The following AKAP13 variants were observed in gnomAD, a reference collection of about 807,000 sequenced individuals.
AKAP13 encodes A-kinase anchor protein 13.
Under a neutral mutation model 264.5 loss-of-function variants are expected in AKAP13, and 80 were observed. The observed-to-expected ratio is 0.30, with a 90% confidence interval of 0.25 to 0.36. The LOEUF is 0.36. AKAP13 is among the 10% of genes least tolerant of loss of function. The pLI is 1.00. For missense variants in AKAP13, 3,712 were observed against 3,435.2 expected, an observed-to-expected ratio of 1.08 and a Z score of -2.01; for synonymous variants, 1,380 against 1,250.2, an observed-to-expected ratio of 1.10 and a Z score of -2.19.
At chr15:85,562,580 T>C (rs199939721) in intron 5 of AKAP13, among the ~76,000 whole-genome samples, 1 of 105,534 alleles carries the variant, frequency 9.5e-6, no homozygotes, top group East Asian at 2.8e-4. Context: ...AAAAAATATA[T>C]ATATATATAT....
chr15:85,409,732 G>A (rs546868603), intron 1 of AKAP13, among the ~76,000 whole-genome samples: 8 of 148,966 alleles, frequency 5.4e-5, no homozygotes, highest in Admixed American at 4.0e-4. Flanking sequence ...CTGGGTACAC[G>A]CCATTCTCCT....
chr15:85,412,181 A>C (rs576406141), intron 1 of AKAP13, among the ~76,000 whole-genome samples: 1 of 152,370 alleles, frequency 6.6e-6, no homozygotes, highest in East Asian at 1.9e-4. Flanking sequence ...ACAGAGTACA[A>C]AACGGTCATT....
At chr15:85,458,393 G>GTTTGTT (rs371906372) in intron 1 of AKAP13, among the ~76,000 whole-genome samples, 2 of 120,664 alleles carry the variant, frequency 1.7e-5, no homozygotes, top group African/African-American at 6.5e-5. Flanking sequence ...TTTGTTTTTT[G>GTTTGTT]TTTTTTTTTT....
At chr15:85,715,193 A>G (rs2086859503) in intron 19 of AKAP13, among the ~76,000 whole-genome samples, 1 of 152,092 alleles carries the variant, frequency 6.6e-6, no homozygotes, top group Admixed American at 6.5e-5. Context: ...TTTGTTCTGC[A>G]CTTTGATTTT....
At chr15:85,741,724 A>G (rs2088995578) in intron 35 of AKAP13, among the ~76,000 whole-genome samples, 1 of 89,630 alleles carries the variant, frequency 1.1e-5, no homozygotes, top group Non-Finnish European at 2.3e-5. Flanking sequence ...AAACAAACAA[A>G]CAAACAAAAA....
chr15:85,411,919 A>G (rs2071989626), intron 1 of AKAP13, among the ~76,000 whole-genome samples: 1 of 152,234 alleles, frequency 6.6e-6, no homozygotes, highest in Admixed American at 6.5e-5. Flanking sequence ...AGTGAAAATC[A>G]GAAGTTTGGA....
At chr15:85,518,736 G>A (rs60292895) in intron 2 of AKAP13, among the ~76,000 whole-genome samples, 21 of 152,306 alleles carry the variant, frequency 1.4e-4, no homozygotes, top group African/African-American at 4.8e-4. Flanking sequence ...GGCAGCAGGG[G>A]GAGGATCACT....
intron 3 of AKAP13, among the ~76,000 whole-genome samples, chr15:85,527,041 G>A (rs1271352340): frequency 1.3e-5 from 2 of 150,460 alleles, no homozygotes; most frequent in Non-Finnish European, 2.9e-5. Flanking sequence ...TGCAAGCTCC[G>A]CCTCCTGGGT....
intron 8 of AKAP13, among the ~76,000 whole-genome samples, chr15:85,602,200 C>T (rs1435449767): frequency 1.3e-5 from 2 of 152,026 alleles, no homozygotes; most frequent in Non-Finnish European, 1.5e-5. Context: ...TTTTTGTACT[C>T]TGTCTCACTC....
At chr15:85,463,037 A>AT (rs1248619564) in intron 1 of AKAP13, among the ~76,000 whole-genome samples, 32 of 150,716 alleles carry the variant, frequency 2.1e-4, no homozygotes, top group Non-Finnish European at 3.1e-4. Context: ...AAAAAAAAAA[A>AT]AAAAAAGAAA....
At chr15:85,685,222 A>C (rs116540654) in intron 16 of AKAP13, 113 of 168,210 alleles carry the variant, frequency 6.7e-4, no homozygotes, top group African/African-American at 2.6e-3. Context: ...TTTGGTTTCA[A>C]ATCCCATACT....
At chr15:85,514,534 T>A (rs991574016) in intron 2 of AKAP13, among the ~76,000 whole-genome samples, 2 of 137,888 alleles carry the variant, frequency 1.5e-5, no homozygotes, top group Non-Finnish European at 3.1e-5. Flanking sequence ...GGGACTCGGT[T>A]CTTTTTATTG....
intron 1 of AKAP13, among the ~76,000 whole-genome samples, chr15:85,477,635 AGG>A (rs756476573): frequency 2.9e-4 from 39 of 132,274 alleles, no homozygotes; most frequent in Non-Finnish European, 3.7e-4. Context: ...GCTTAAAAAA[AGG>A]AAAAAAAAAA....
intron 14 of AKAP13, among the ~76,000 whole-genome samples, chr15:85,675,143 C>A (rs2084154666): frequency 6.6e-6 from 1 of 152,110 alleles, no homozygotes; most frequent in South Asian, 2.1e-4. Context: ...TAAGATTTTT[C>A]CTTATGATCC....
intron 1 of AKAP13, among the ~76,000 whole-genome samples, chr15:85,443,982 A>G (rs1287405978): frequency 6.6e-6 from 1 of 152,100 alleles, no homozygotes; most frequent in Non-Finnish European, 1.5e-5. Context: ...AAGGTGGTTG[A>G]TATGTTTGTA....
chr15:85,412,570 A>T (rs2072028174), intron 1 of AKAP13, among the ~76,000 whole-genome samples: 1 of 152,220 alleles, frequency 6.6e-6, no homozygotes, highest in East Asian at 1.9e-4. Context: ...ATATTTTATA[A>T]ATTTTTCAGT....
At chr15:85,406,883 A>G (rs975956698) in intron 1 of AKAP13, among the ~76,000 whole-genome samples, 3 of 151,696 alleles carry the variant, frequency 2.0e-5, no homozygotes, top group Non-Finnish European at 4.4e-5. Context: ...TCAGCAGACA[A>G]TATGAGACAG....
chr15:85,717,369 G>T lies in AKAP13; in HGVS notation c.5815G>T (p.Val1939Phe). ...AGACTCACTAAATAAAATCAGCAAG[G>T]TCAATGAGTCAACAGAATCACTTAC... Reference protein sequence around the residue: ...STDSLNKISKVNESTESLTDE... With the variant: ...STDSLNKISKFNESTESLTDE... Residue 1939 changes from valine (V) to phenylalanine (F), a missense_variant, in exon 21 of 37, where the codon GTC becomes TTC. Around this residue, in one of 3 missense-constraint regions of AKAP13, gnomAD observed 2,759 missense variants for 2,411.7 expected, o/e 1.14. Coordinates refer to ENST00000394518, the MANE Select transcript of AKAP13 (RefSeq NM_007200.5). 2 of 1,613,222 alleles carry T rather than the reference G, an allele frequency of 1.2e-6. No individual in the cohort carries two copies. The highest frequency in any genetic ancestry group is 1.7e-6 in the Non-Finnish European group (2 of 1,179,700).
At chr15:85,387,488 G>A (rs2070632634) in intron 1 of AKAP13, among the ~76,000 whole-genome samples, 1 of 152,032 alleles carries the variant, frequency 6.6e-6, no homozygotes, top group South Asian at 2.1e-4. Flanking sequence ...GCACTACCTG[G>A]CTAATTTTTT....
Sources: allele counts gnomAD v4.1 joint callset (sites outside exome capture counted in the v4.1 genomes callset), GRCh38; gene constraint gnomAD v4.1.1; regional missense constraint gnomAD v4.1.1; transcripts MANE v1.5; gene names NCBI Gene and HGNC (gene_info 2026-07-23, HGNC 2026-07-21).